The following ATAD2B variants were observed in gnomAD, a reference collection of about 807,000 sequenced individuals.
ATAD2B encodes the protein ATPase family AAA domain-containing protein 2B.
A neutral mutation model predicts 167.6 loss-of-function variants in ATAD2B; 40 were observed. The ratio of observed to expected loss-of-function variants is 0.24; its 90% confidence interval spans 0.19 to 0.31. ATAD2B has a LOEUF of 0.31. Ranked by LOEUF, ATAD2B falls within the 10% of genes least tolerant of loss-of-function variation. The pLI, the probability that ATAD2B is intolerant of heterozygous loss-of-function variation, is 1.00. For missense variants in ATAD2B, 1,242 were observed against 1,757.2 expected (o/e 0.71, Z 5.24); for synonymous variants, 579 against 596.5 (o/e 0.97, Z 0.43).
chr2:23,868,999 C>A (rs754781542), intron 9 of ATAD2B, among the ~76,000 whole-genome samples: 5 of 152,148 alleles, frequency 3.3e-5, no homozygotes, highest in Non-Finnish European at 7.4e-5. Flanking sequence ...TTCTCATTTT[C>A]TTTCCATCAT....
At chr2:23,693,203 C>T in the ATAD2B span, 3 of 1,490,200 alleles carry the variant, frequency 2.0e-6, no homozygotes, top group Non-Finnish European at 2.7e-6. Flanking sequence ...AGGGTGACAG[C>T]AATGGGAACA....
chr2:23,799,570 C>CAAAAAAA (rs763947000), intron 18 of ATAD2B, among the ~76,000 whole-genome samples: 7 of 40,374 alleles, frequency 1.7e-4, no homozygotes, highest in Admixed American at 5.9e-4. Flanking sequence ...GACTCCATCT[C>CAAAAAAA]AAAAAAAAAA....
At chr2:23,858,907 A>G (rs1425146857) in intron 12 of ATAD2B, among the ~76,000 whole-genome samples, 1 of 152,218 alleles carries the variant, frequency 6.6e-6, no homozygotes, top group Non-Finnish European at 1.5e-5. Context: ...CAATATTGTA[A>G]CAAATAATAG....
the ATAD2B span, among the ~76,000 whole-genome samples, chr2:23,712,166 T>C: frequency 3.9e-5 from 6 of 152,170 alleles, no homozygotes; most frequent in Non-Finnish European, 8.8e-5. Flanking sequence ...CCTGGCTCAG[T>C]GAGACTCCAG....
intron 1 of ATAD2B, among the ~76,000 whole-genome samples, chr2:23,906,915 C>T (rs1373061274): frequency 1.3e-5 from 2 of 151,408 alleles, no homozygotes; most frequent in East Asian, 3.9e-4. Context: ...CAAAATTCAA[C>T]AACCCTTCAT....
intron 15 of ATAD2B, among the ~76,000 whole-genome samples, chr2:23,825,109 A>ATTTTTTTTTTT (rs70941593): frequency 1.8e-5 from 2 of 111,526 alleles, no homozygotes; most frequent in African/African-American, 3.6e-5. Flanking sequence ...CATCAGGCTA[A>ATTTTTTTTTTT]TTTTTTTTTT....
chr2:23,745,368 A>AGAAG (rs767435573), downstream of ATAD2B, among the ~76,000 whole-genome samples: 6,670 of 52,770 alleles, frequency 0.13, 616 homozygotes, highest in Non-Finnish European at 0.13. Context: ...AAGGAAGGAA[A>AGAAG]GAAGGAAGGA....
At chr2:23,875,227 C>T (rs1696648094) in intron 8 of ATAD2B, among the ~76,000 whole-genome samples, 4 of 151,058 alleles carry the variant, frequency 2.6e-5, no homozygotes, top group South Asian at 2.1e-4. Flanking sequence ...ACTGGTCGGG[C>T]GCCATGACTC....
At chr2:23,904,430 A>G (rs1409758669) in intron 1 of ATAD2B, among the ~76,000 whole-genome samples, 2 of 152,094 alleles carry the variant, frequency 1.3e-5, no homozygotes, top group Non-Finnish European at 2.9e-5. Context: ...TGAATAATGG[A>G]GCAAGTGGTG....
At chr2:23,770,317 A>AAATT (rs1266704106) in intron 22 of ATAD2B, among the ~76,000 whole-genome samples, 1 of 41,026 alleles carries the variant, frequency 2.4e-5, no homozygotes, top group East Asian at 7.6e-4. Context: ...CTGTCTCCAA[A>AAATT]AAATAAATAA....
At chr2:23,848,890 T>C (rs1247280899) in intron 13 of ATAD2B, among the ~76,000 whole-genome samples, 1 of 152,150 alleles carries the variant, frequency 6.6e-6, no homozygotes, top group Non-Finnish European at 1.5e-5. Context: ...CACAAGTATA[T>C]ATGTATGTTA....
In ATAD2B at chr2:23,887,881, T is replaced by C. The variant is rs1394939313; in HGVS notation, c.523A>G (p.Arg175Gly). 1.2e-6 allele frequency: 2 copies of C among 1,610,982 alleles called. No homozygotes were observed. The highest frequency in any genetic ancestry group is 1.7e-6 in the Non-Finnish European group (2 of 1,178,898). The change falls in exon 4 of 28, where the codon AGA (arginine) becomes GGA (glycine). Residue 175 changes from arginine (R) to glycine (G), a missense_variant. Arg to Gly is a moderately radical substitution (Grantham distance 125). Around this residue, in one of 9 missense-constraint regions of ATAD2B, gnomAD observed 99 missense variants for 160.4 expected, o/e 0.62. Coordinates refer to ENST00000238789, the MANE Select transcript of ATAD2B (RefSeq NM_017552.4). The stretch of plus-strand genomic sequence containing the variant: ...AAACTCTGGTTCACACTTTCAAATC[T>C]GTTTTTCCTGGAACGACAACTTTTT... Reference protein sequence around the residue: ...VRKSCRSRKNRFESVNQSLLF... With the variant: ...VRKSCRSRKNGFESVNQSLLF...
chr2:23,767,570 T>C lies in ATAD2B; in HGVS notation c.3134-1942A>G, dbSNP rs1486480894. Among the ~76,000 whole-genome samples, 4 of 152,280 alleles carry C rather than the reference T, an allele frequency of 2.6e-5. No homozygotes were observed. In the East Asian group the frequency reaches 7.7e-4, roughly 29 times the overall value. Reference sequence around the variant, plus strand: ...AGAGAAACTGATCATATTGAAAGGATTTCAGATTGTATCCTAAGAGCAATG... The same window carrying C: ...AGAGAAACTGATCATATTGAAAGGACTTCAGATTGTATCCTAAGAGCAATG... On this transcript the variant is annotated intron_variant, in intron 22 of 27. Coordinates refer to ENST00000238789, the MANE Select transcript of ATAD2B (RefSeq NM_017552.4).
chr2:23,829,490 C>G lies in ATAD2B; in HGVS notation c.1729-551G>C, dbSNP rs561385969. Among the ~76,000 whole-genome samples, 6 of 152,300 alleles carry G rather than the reference C, an allele frequency of 3.9e-5. No individual in the cohort carries two copies. In the East Asian group the frequency reaches 9.6e-4, roughly 24 times the overall value. On this transcript the variant is annotated intron_variant, in intron 14 of 27. Coordinates refer to ENST00000238789, the MANE Select transcript of ATAD2B (RefSeq NM_017552.4). ...TGCATGCCAGTTGTGGTGGCTCACA[C>G]CTGCAATCCCAGCACTTTGGGATGC...
At chr2:23,897,358 T>C (rs1203711153) in intron 1 of ATAD2B, among the ~76,000 whole-genome samples, 2 of 152,234 alleles carry the variant, frequency 1.3e-5, no homozygotes, top group Admixed American at 6.5e-5. Context: ...TCCTTTGTAT[T>C]TGATGTATAC....
chr2:23,728,246 T>C, the ATAD2B span, among the ~76,000 whole-genome samples: 1 of 152,130 alleles, frequency 6.6e-6, no homozygotes, highest in Non-Finnish European at 1.5e-5. Context: ...GTCTATTAAG[T>C]TTTTTTGAAA....
intron 1 of ATAD2B, among the ~76,000 whole-genome samples, chr2:23,921,259 TATGCACACAAATGAAACGGATA>T (rs1439510111): frequency 2.7e-5 from 4 of 146,836 alleles, no homozygotes; most frequent in Non-Finnish European, 6.0e-5. Context: ...TCAAGTTGAT[TATGCACACAAATGAAACGGATA>T]ATGCACACAA....
chr2:23,882,396 A>G (rs374548386), intron 6 of ATAD2B, among the ~76,000 whole-genome samples: 4 of 147,626 alleles, frequency 2.7e-5, no homozygotes, highest in African/African-American at 1.0e-4. Context: ...GGGTTTCACT[A>G]TGTTGGCCAG....
intron 15 of ATAD2B, among the ~76,000 whole-genome samples, chr2:23,828,343 A>G (rs1045133108): frequency 6.6e-6 from 1 of 152,154 alleles, no homozygotes; most frequent in Non-Finnish European, 1.5e-5. Flanking sequence ...TTAAAGTTAA[A>G]CTGGAAAGTT....
Sources: gnomAD v4.1 joint callset for allele counts (sites outside exome capture counted in the v4.1 genomes callset) on GRCh38, gnomAD v4.1.1 for gene constraint, gnomAD v4.1.1 regional missense constraint, MANE v1.5 for transcripts, NCBI Gene and HGNC (gene_info 2026-07-23, HGNC 2026-07-21) for gene names.